Variants in CCDC187 observed in about 807,000 individuals in gnomAD.
CCDC187 encodes coiled-coil domain containing 187.
A neutral mutation model predicts 38.0 loss-of-function variants in CCDC187; 32 were observed. The ratio of observed to expected loss-of-function variants is 0.84; its 90% CI spans 0.64 to 1.13. The LOEUF (loss-of-function observed/expected upper bound fraction) is 1.13. Ranked by LOEUF, CCDC187 falls within the 50% of genes most tolerant of loss-of-function variation. CCDC187 has a pLI of 0.00. For synonymous variants in CCDC187, 333 were observed against 347.9 expected, an observed-to-expected ratio of 0.96 and a Z score of 0.48; for missense variants, 707 against 786.8, an observed-to-expected ratio of 0.90 and a Z score of 1.21.
intron 7 of CCDC187, 51 bp downstream of exon 7, chr9:136,289,908 C>CA: frequency 2.6e-6 from 1 of 389,092 alleles, no homozygotes; most frequent in Non-Finnish European, 4.5e-6. Flanking sequence ...TGTTCTTGGC[C>CA]CCCCCCAAGG....
At chr9:136,294,293 C>T (rs1478988514) in intron 4 of CCDC187, among the ~76,000 whole-genome samples, 1 of 149,688 alleles carries the variant, frequency 6.7e-6, no homozygotes, top group Non-Finnish European at 1.5e-5. Context: ...TGTGCTCTCA[C>T]TCTCACACGC....
Position 136,293,175 on chromosome 9 carries a change from TCA to T in CCDC187, c.833-882_833-881del, listed in dbSNP as rs1554765527. On this transcript the variant is annotated intron_variant, in intron 4 of 25. Transcript: ENST00000638797. Reference sequence around the variant, plus strand: ...AACACATGCTCACACACTCACATGCTCACACACACTCACATGCTCACACACTC... The same window carrying T: ...AACACATGCTCACACACTCACATGCTCACACACTCACATGCTCACACACTC... Among the ~76,000 whole-genome samples the T allele has an allele frequency of 2.5e-4, 34 of 136,346 alleles. 1 individual carries two copies. Among genetic ancestry groups the T allele is most frequent in the Admixed American group, 8.9e-4 (12 of 13,462 alleles). The allele number at this position is 136,346 out of a possible 152,430, so 89.4% of individuals were successfully genotyped here.
intron 14 of CCDC187, among the ~76,000 whole-genome samples, chr9:136,272,712 A>C (rs1352176316): frequency 2.0e-5 from 3 of 151,868 alleles, no homozygotes; most frequent in Admixed American, 1.3e-4. Context: ...CAAGAAAAAA[A>C]AAAAAACAAA....
intron 2 of CCDC187, among the ~76,000 whole-genome samples, chr9:136,301,581 C>T (rs1831683647): frequency 1.5e-5 from 2 of 131,062 alleles, no homozygotes; most frequent in Non-Finnish European, 3.1e-5. Flanking sequence ...GTTATGCATA[C>T]GTTACTTTTT....
chr9:136,270,439 A>G (rs1554762246), intron 14 of CCDC187, among the ~76,000 whole-genome samples: 1 of 152,158 alleles, frequency 6.6e-6, no homozygotes, highest in East Asian at 1.9e-4. Context: ...GCAGAGAGGG[A>G]AGGCAGCATA....
At chr9:136,255,790 C>T in intron 24 of CCDC187, 57 bp from the exon 25 acceptor site, 1 of 892,978 alleles carries the variant, frequency 1.1e-6, no homozygotes, top group Non-Finnish European at 1.3e-6. Flanking sequence ...GGCCTCTTCC[C>T]CAGGGCCCAC....
intron 10 of CCDC187, chr9:136,281,160 G>T: frequency 3.0e-6 from 1 of 332,292 alleles, no homozygotes; most frequent in Non-Finnish European, 5.4e-6. Flanking sequence ...GGTCCCTTGG[G>T]CACCAGGCAG....
intron 4 of CCDC187, among the ~76,000 whole-genome samples, chr9:136,293,562 G>T (rs1028102426): frequency 6.7e-6 from 1 of 149,080 alleles, no homozygotes; most frequent in Non-Finnish European, 1.5e-5. Flanking sequence ...CTCACACACT[G>T]TCACACACGT....
chr9:136,255,512 G>A (rs1830601012), intron 25 of CCDC187, 145 bp downstream of exon 25: 1 of 207,700 alleles, frequency 4.8e-6, no homozygotes, highest in Non-Finnish European at 8.4e-6. Flanking sequence ...ATGGGGAGGT[G>A]CGTGGGCAGA....
rs571220131 is a variant in CCDC187 at position 136,262,379 on chromosome 9, G to A, written c.3996C>T (p.Thr1332=). The stretch of plus-strand genomic sequence containing the variant: ...TGGTGGAGCTGCTGGGCCTGCATGG[G>A]GTCAGGGGACACAGGGAGGCCTCTG... ...QQPEASLCPL[T]PCRPSSSTSH... Residue 1332 remains threonine, a synonymous_variant, in exon 19 of 26, where the codon ACC becomes ACT. Transcript: ENST00000638797. The A allele has an allele frequency of 3.3e-3, 3,240 of 986,784 alleles. 9 individuals are homozygous for A. Among genetic ancestry groups the A allele is most frequent in the Non-Finnish European group, 3.8e-3 (3,128 of 830,982 alleles). 61.1% of individuals were successfully genotyped at this position (986,784 alleles called of 1,614,324 possible).
chr9:136,278,277 C>T (rs1427531324), intron 10 of CCDC187, among the ~76,000 whole-genome samples: 1 of 152,258 alleles, frequency 6.6e-6, no homozygotes, highest in Non-Finnish European at 1.5e-5. Context: ...AGTCCTGCGG[C>T]CCCCACAGAT....
chr9:136,271,630 CGG>C, intron 14 of CCDC187, among the ~76,000 whole-genome samples: 1 of 122,180 alleles, frequency 8.2e-6, no homozygotes, highest in Non-Finnish European at 1.6e-5. Context: ...TTTTTTGAGA[CGG>C]AGTCTCACTC....
intron 14 of CCDC187, among the ~76,000 whole-genome samples, chr9:136,271,501 A>G (rs1385033588): frequency 6.6e-6 from 1 of 152,142 alleles, no homozygotes; most frequent in Non-Finnish European, 1.5e-5. Flanking sequence ...AGCTTGGGCA[A>G]CAGAGCGAGA....
Position 136,250,960 on chromosome 9 carries a change from C to T in CCDC187, c.*2634G>A. The T allele has an allele frequency of 2.2e-6, 1 of 455,452 alleles. No individual in the cohort carries two copies. Among genetic ancestry groups the T allele is most frequent in the South Asian group, 1.5e-5 (1 of 64,546 alleles). The allele number at this position is 455,452 out of a possible 1,614,324, so 28.2% of individuals were successfully genotyped here. A position where few individuals can be genotyped will look rare whatever the true frequency, so the allele number is the denominator to read the frequency against. Reference sequence around the variant, plus strand: ...CTCACCAGAGCTATGGGGTAGAGGGCCTTGGCAGCTCCGTGTGTCCTGTGA... The same window carrying T: ...CTCACCAGAGCTATGGGGTAGAGGGTCTTGGCAGCTCCGTGTGTCCTGTGA... On this transcript the variant is annotated 3_prime_UTR_variant, in exon 26 of 26. Transcript: ENST00000638797.
intron 17 of CCDC187, 111 bp from the exon 18 acceptor site, chr9:136,263,909 G>T: frequency 1.3e-6 from 1 of 788,802 alleles, no homozygotes; most frequent in Non-Finnish European, 1.5e-6. Context: ...ACACTGGGAG[G>T]CCTCCCTTTC....
At chr9:136,289,248 T>C (rs2131297624) in intron 7 of CCDC187, among the ~76,000 whole-genome samples, 1 of 151,936 alleles carries the variant, frequency 6.6e-6, no homozygotes, top group Admixed American at 6.5e-5. Flanking sequence ...CGGGGCGCGG[T>C]GACTCACTCC....
At chr9:136,280,484 C>G (rs1269654028) in intron 10 of CCDC187, among the ~76,000 whole-genome samples, 1 of 152,168 alleles carries the variant, frequency 6.6e-6, no homozygotes, top group Non-Finnish European at 1.5e-5. Context: ...GCCCTCCCCT[C>G]CATACACACA....
chr9:136,298,811 A>G (rs1831600404), intron 3 of CCDC187, among the ~76,000 whole-genome samples: 1 of 152,350 alleles, frequency 6.6e-6, no homozygotes, highest in East Asian at 1.9e-4. Flanking sequence ...ATGGAGAGTA[A>G]GTGGGGACAG....
Position 136,262,457 on chromosome 9 carries a change from G to A in CCDC187, c.3918C>T (p.Ser1306=), listed in dbSNP as rs992176811. 183 of 985,706 alleles carry A rather than the reference G, an allele frequency of 1.9e-4. No individual in the cohort carries two copies. The highest frequency in any genetic ancestry group is 2.2e-4 in the Non-Finnish European group (180 of 830,204). The allele number at this position is 985,706 out of a possible 1,614,324, so 61.1% of individuals were successfully genotyped here. The change falls in exon 19 of 26, where the codon TCC becomes TCT. Residue 1306 remains serine, a synonymous_variant. Transcript: ENST00000638797. ...CCCAGGCGGCCTTGACTTTGGGGCT[G>A]GAACCCTGTAAGAAATGGTGCAGGA... ...LQAQAKLQQG[S]SPKVKAAWEG... is the part of the protein sequence containing the mutation.
Sources: allele counts gnomAD v4.1 joint callset (sites outside exome capture counted in the v4.1 genomes callset), GRCh38; gene constraint gnomAD v4.1.1; transcripts MANE v1.5; gene names NCBI Gene and HGNC (gene_info 2026-07-23, HGNC 2026-07-21).